Variants in SYNE2 observed in about 807,000 individuals in gnomAD.
The protein encoded by SYNE2 is nesprin-2.
A neutral mutation model predicts 856.3 loss-of-function variants in SYNE2; 431 were observed. The ratio of observed to expected loss-of-function variants is 0.50; its 90% CI spans 0.47 to 0.55. The LOEUF (loss-of-function observed/expected upper bound fraction) is 0.55, where lower values mean the gene tolerates loss of function less well. SYNE2 is among the 20% of genes least tolerant of loss of function. The pLI is 0.00. For missense variants in SYNE2, 8,129 were observed against 8,023.2 expected, an observed-to-expected ratio of 1.01 and a Z score of -0.50; for synonymous variants, 2,923 against 2,872.3, an observed-to-expected ratio of 1.02 and a Z score of -0.56.
intron 1 of SYNE2, among the ~76,000 whole-genome samples, chr14:63,862,274 A>G (rs1039737104): frequency 6.6e-6 from 1 of 152,222 alleles, no homozygotes; most frequent in Non-Finnish European, 1.5e-5. Flanking sequence ...CATAACATCT[A>G]CTAAAAGTAT....
At chr14:63,926,677 C>T (rs1052552670) in intron 2 of SYNE2, among the ~76,000 whole-genome samples, 4 of 152,228 alleles carry the variant, frequency 2.6e-5, no homozygotes, top group Non-Finnish European at 4.4e-5. Context: ...CCTAGTAACC[C>T]GATGAAGTAG....
At chr14:63,867,524 C>T (rs1158049074) in intron 1 of SYNE2, among the ~76,000 whole-genome samples, 1 of 151,830 alleles carries the variant, frequency 6.6e-6, no homozygotes, top group Non-Finnish European at 1.5e-5. Context: ...AAGGCTAAAC[C>T]TTGTCTCTAC....
chr14:63,823,165 G>T (rs1433763409), intron 1 of SYNE2, among the ~76,000 whole-genome samples: 1 of 151,864 alleles, frequency 6.6e-6, no homozygotes, highest in Non-Finnish European at 1.5e-5. Flanking sequence ...TGACTTCTCA[G>T]CTGAAGTCTA....
Position 64,048,122 on chromosome 14 carries a change from TA to T in SYNE2, c.7345del (p.Met2449CysfsTer2). ...LQNQPLELDT[M>X]LRNEQLEEIE... ...AAAATCAACCTTTAGAATTAGATACTATGTTAAGAAATGAACAATTAGAAGA... is the reference window on the plus strand; with the variant it reads ...AAAATCAACCTTTAGAATTAGATACTTGTTAAGAAATGAACAATTAGAAGA... On this transcript the variant is annotated frameshift_variant, in exon 46 of 116. Coordinates refer to ENST00000555002, the MANE Select transcript of SYNE2 (RefSeq NM_182914.3). LOFTEE classifies it high-confidence loss of function. 6.2e-7 allele frequency: 1 copy of T among 1,613,490 alleles called. No homozygotes were observed. The highest frequency in any genetic ancestry group is 8.5e-7 in the Non-Finnish European group (1 of 1,179,648).
intron 1 of SYNE2, among the ~76,000 whole-genome samples, chr14:63,779,827 C>CTTGAACTGGGGA (rs1406100339): frequency 3.3e-5 from 5 of 152,100 alleles, no homozygotes. Context: ...AGGAGAATCG[C>CTTGAACTGGGGA]TTGAACTGGG....
rs1395216549 is a variant in SYNE2 at position 64,065,606 on chromosome 14, T to G, written c.10387T>G (p.Trp3463Gly). ...GGAAGCTGCTAAAGAGTGGGAGATG[T>G]GGTGCGAAGAACTGAAGCAGGAATG... ...LLEAAKEWEM[W>G]CEELKQEWKF... Residue 3463 changes from tryptophan to glycine, a missense_variant, in exon 51 of 116, where the codon TGG becomes GGG. By Grantham distance (184) the Trp-to-Gly change is radical. This residue lies in a region of SYNE2 where 5,410 missense variants were observed against 5,284.8 expected (regional missense o/e 1.02). Transcript: ENST00000555002. 6.2e-7 allele frequency: 1 copy of G among 1,614,204 alleles called. No homozygotes were observed. Among genetic ancestry groups the G allele is most frequent in the Non-Finnish European group, 8.5e-7 (1 of 1,180,034 alleles).
At chr14:64,017,258 G>A (rs892826754) in intron 33 of SYNE2, among the ~76,000 whole-genome samples, 4 of 146,276 alleles carry the variant, frequency 2.7e-5, no homozygotes, top group Non-Finnish European at 4.5e-5. Context: ...GAACTCGGGA[G>A]GCGGAGCTTG....
chr14:63,823,073 C>T (rs1276747533), intron 1 of SYNE2, among the ~76,000 whole-genome samples: 2 of 152,018 alleles, frequency 1.3e-5, no homozygotes, highest in Non-Finnish European at 2.9e-5. Flanking sequence ...TACTGCACTC[C>T]AGCCAGGGAG....
intron 46 of SYNE2, chr14:64,048,973 A>G (rs1595133270): frequency 6.6e-6 from 1 of 151,964 alleles, no homozygotes. Context: ...TTCCACAACA[A>G]TAAACACGCA....
intron 68 of SYNE2, 67 bp downstream of exon 68, chr14:64,121,128 A>C (rs2097894993): frequency 3.7e-6 from 6 of 1,603,108 alleles, no homozygotes; most frequent in African/African-American, 2.7e-5. Context: ...GGTGGTGCAA[A>C]CCTACAGTCC....
intron 51 of SYNE2, among the ~76,000 whole-genome samples, chr14:64,065,977 T>G (rs2097356070): frequency 6.6e-6 from 1 of 152,222 alleles, no homozygotes; most frequent in Non-Finnish European, 1.5e-5. Context: ...ACTAAAGGTT[T>G]AGAATTAGGT....
chr14:63,845,935 G>A (rs1323363650), intron 1 of SYNE2, among the ~76,000 whole-genome samples: 1 of 151,034 alleles, frequency 6.6e-6, no homozygotes, highest in Non-Finnish European at 1.5e-5. Flanking sequence ...GTAAAGAGGA[G>A]GTTTCACCAT....
rs929219353 is a variant in SYNE2, at chr14:64,210,184, G to T, written c.18723+60G>T. The T allele has an allele frequency of 1.2e-5, 19 of 1,566,496 alleles. No homozygotes were observed. In the African/African-American group the frequency reaches 2.0e-4, roughly 17 times the overall value. ...TTCCAGGAGACATAACGCACGATAC[G>T]CAATGGCAGGCTTGTGGCACAAAGC... On this transcript the variant is annotated intron_variant, in intron 103 of 115. Transcript: ENST00000555002.
intron 2 of SYNE2, among the ~76,000 whole-genome samples, chr14:63,922,016 T>C (rs967692270): frequency 6.6e-6 from 1 of 152,198 alleles, no homozygotes; most frequent in Admixed American, 6.5e-5. Context: ...TTTTATTTTA[T>C]TTTTTGAGAC....
chr14:64,138,109 A>G, intron 79 of SYNE2, 126 bp downstream of exon 79: 1 of 1,057,336 alleles, frequency 9.5e-7, no homozygotes, highest in South Asian at 1.4e-5. Flanking sequence ...AGTCTAAAGC[A>G]GTTGGGTCCC....
At chr14:63,977,857 A>C (rs746496432) in intron 12 of SYNE2, 48 bp from the exon 13 acceptor site, 32 of 1,273,074 alleles carry the variant, frequency 2.5e-5, no homozygotes, top group Non-Finnish European at 6.9e-6. Flanking sequence ...CCTTAATTAC[A>C]GTGTTTGGCA....
At position 64,186,473 on chromosome 14, in the gene SYNE2, A is replaced by C; in HGVS notation, c.17606A>C (p.Gln5869Pro). 1 of 1,614,252 alleles carries C rather than the reference A, an allele frequency of 6.2e-7. No homozygotes were observed. Among genetic ancestry groups the C allele is most frequent in the Non-Finnish European group, 8.5e-7 (1 of 1,180,042 alleles). Reference protein sequence around the residue: ...ASWTQNLKELQTMKADLTRHV... With the variant: ...ASWTQNLKELPTMKADLTRHV... Reference sequence around the variant, plus strand: ...TGGACTCAGAACTTGAAAGAACTTCAAACTATGAAGGCGGACTTAACCCGG... The same window carrying C: ...TGGACTCAGAACTTGAAAGAACTTCCAACTATGAAGGCGGACTTAACCCGG... The change falls in exon 97 of 116, where the codon CAA (glutamine) becomes CCA (proline). Residue 5869 changes from glutamine (Q) to proline (P), a missense_variant. Physicochemically the swap from Gln to Pro is moderately conservative, Grantham distance 76. Coordinates refer to ENST00000555002, the MANE Select transcript of SYNE2 (RefSeq NM_182914.3).
In SYNE2 at chr14:64,027,745, T is replaced by C. The variant is rs2096992191; in HGVS notation, c.6666T>C (p.Pro2222=). 1.2e-6 allele frequency: 2 copies of C among 1,613,616 alleles called. No homozygotes were observed. Among genetic ancestry groups the C allele is most frequent in the Admixed American group, 3.3e-5 (2 of 59,984 alleles). ...AAAATCCCAGCTTCAGTGAAGAGCC[T>C]TGGCTGGAAATAAAGCATCTACACG... ...CTKNPSFSEE[P]WLEIKHLHES... The change falls in exon 43 of 116, where the codon CCT becomes CCC. Residue 2222 remains proline, a synonymous_variant. Coordinates refer to ENST00000555002, the MANE Select transcript of SYNE2 (RefSeq NM_182914.3).
At chr14:64,020,201 G>A (rs368321623) in intron 35 of SYNE2, 108 bp downstream of exon 35, 7 of 620,520 alleles carry the variant, frequency 1.1e-5, no homozygotes, top group Admixed American at 5.5e-5. Context: ...TCTAAAAGAA[G>A]AAAAAAACGG....
Sources: allele counts gnomAD v4.1 joint callset (sites outside exome capture counted in the v4.1 genomes callset), GRCh38; gene constraint gnomAD v4.1.1; regional missense constraint gnomAD v4.1.1; transcripts MANE v1.5; gene names NCBI Gene and HGNC (gene_info 2026-07-23, HGNC 2026-07-21).